Variants in PFKP observed in about 807,000 individuals in gnomAD.
PFKP encodes ATP-dependent 6-phosphofructokinase, platelet type.
A neutral mutation model predicts 94.3 loss-of-function variants in PFKP; 101 were observed. That is an observed-to-expected ratio of 1.07 (90% CI 0.91 to 1.26). The LOEUF (loss-of-function observed/expected upper bound fraction) is 1.26. Among genes scored for constraint, PFKP ranks in the 50% most tolerant of loss-of-function variants. The pLI is 0.00. For missense variants in PFKP, 1,145 were observed against 1,103.3 expected, an observed-to-expected ratio of 1.04 and a Z score of -0.53; for synonymous variants, 573 against 432.6, an observed-to-expected ratio of 1.32 and a Z score of -4.03.
At chr10:3,114,763 G>T (rs192666595) in intron 13 of PFKP, among the ~76,000 whole-genome samples, 4 of 152,250 alleles carry the variant, frequency 2.6e-5, no homozygotes, top group Non-Finnish European at 4.4e-5. Context: ...CTCCAAGCCC[G>T]CACAGGGCAG....
intron 2 of PFKP, among the ~76,000 whole-genome samples, chr10:3,097,937 A>C (rs903519807): frequency 1.3e-5 from 2 of 152,162 alleles, no homozygotes; most frequent in Admixed American, 1.3e-4. Flanking sequence ...TGAACCTGGG[A>C]GATGTAAGTT....
intron 16 of PFKP, among the ~76,000 whole-genome samples, chr10:3,122,363 C>T (rs1162762024): frequency 2.6e-5 from 4 of 152,062 alleles, no homozygotes; most frequent in Non-Finnish European, 4.4e-5. Flanking sequence ...GGAGCTGGGA[C>T]AGAGAAGAGA....
At chr10:3,126,222 G>A (rs1406119167) in intron 16 of PFKP, among the ~76,000 whole-genome samples, 3 of 152,224 alleles carry the variant, frequency 2.0e-5, no homozygotes, top group African/African-American at 4.8e-5. Flanking sequence ...CCATGAGGTC[G>A]GCTGCAGCTT....
At chr10:3,100,974 C>G (rs1387226386) in intron 3 of PFKP, 1 of 1,612,408 alleles carries the variant, frequency 6.2e-7, no homozygotes, top group South Asian at 1.1e-5. Flanking sequence ...ACACCGCTTC[C>G]CTTGTCCTGG....
In PFKP at chr10:3,129,930, GGAGCTGATGC is replaced by G. The variant is rs1478355574; in HGVS notation, c.1796_1805del (p.Gly599AlafsTer21). The G allele has an allele frequency of 1.2e-6, 2 of 1,609,084 alleles. No individual in the cohort carries two copies. Among genetic ancestry groups the G allele is most frequent in the South Asian group, 2.2e-5 (2 of 90,488 alleles). Reference sequence around the variant, plus strand: ...GGCCAACATGGGGGGGCTCGCGGCCGGAGCTGATGCCGCATACATTTTCGAAGAGCCCTTC... The same window carrying G: ...GGCCAACATGGGGGGGCTCGCGGCCGCGCATACATTTTCGAAGAGCCCTTC... On this transcript the variant is annotated frameshift_variant, in exon 17 of 22. Coordinates refer to ENST00000381125, the MANE Select transcript of PFKP (RefSeq NM_002627.5). LOFTEE classifies it high-confidence loss of function.
At chr10:3,076,588 C>T (rs1172738795) in intron 1 of PFKP, among the ~76,000 whole-genome samples, 2 of 152,042 alleles carry the variant, frequency 1.3e-5, no homozygotes, top group African/African-American at 2.4e-5. Flanking sequence ...TTAGCACTTA[C>T]GGCCATCCAT....
chr10:3,128,252 A>G (rs1838169888), intron 16 of PFKP, among the ~76,000 whole-genome samples: 1 of 152,224 alleles, frequency 6.6e-6, no homozygotes, highest in African/African-American at 2.4e-5. Flanking sequence ...TTTGCAGCCT[A>G]GTGAGGAAGA....
intron 5 of PFKP, 134 bp downstream of exon 5, chr10:3,104,078 C>A: frequency 2.8e-6 from 2 of 703,908 alleles, no homozygotes; most frequent in South Asian, 2.0e-5. Context: ...CTTTTAGGAG[C>A]TATTGCCAGA....
At chr10:3,087,780 C>T (rs191683472) in intron 2 of PFKP, among the ~76,000 whole-genome samples, 25 of 152,204 alleles carry the variant, frequency 1.6e-4, no homozygotes, top group East Asian at 9.7e-4. Context: ...TCCTAGTGAA[C>T]GGGTCCATTT....
At chr10:3,126,262 C>T (rs986722300) in intron 16 of PFKP, among the ~76,000 whole-genome samples, 20 of 152,206 alleles carry the variant, frequency 1.3e-4, no homozygotes, top group Admixed American at 1.2e-3. Context: ...GCCTCCCACT[C>T]GAGCTGAGGG....
chr10:3,075,656 C>G (rs1323618471), intron 1 of PFKP, among the ~76,000 whole-genome samples: 1 of 148,794 alleles, frequency 6.7e-6, no homozygotes, highest in Non-Finnish European at 1.5e-5. Context: ...TAATCCCAGC[C>G]CTTCAGGAGC....
At chr10:3,090,992 G>A (rs904738362) in intron 2 of PFKP, among the ~76,000 whole-genome samples, 2 of 152,086 alleles carry the variant, frequency 1.3e-5, no homozygotes, top group South Asian at 4.1e-4. Flanking sequence ...TAGTGCATGT[G>A]TGAAGAAAGT....
Position 3,101,561 on chromosome 10 carries a change from G to C in PFKP, c.454+7G>C. On this transcript the variant is annotated splice_region_variant and intron_variant, in intron 4 of 21. Coordinates refer to ENST00000381125, the MANE Select transcript of PFKP (RefSeq NM_002627.5). ...GAGGAGCTGGCCAGGAACGGTGAGT[G>C]GACACCTGCTCCTCTGTCCTGCGGG... 1.1e-5 allele frequency: 16 copies of C among 1,519,880 alleles called. No individual in the cohort carries two copies. The highest frequency in any genetic ancestry group is 6.3e-5 in the Admixed American group (3 of 47,548). 94.1% of individuals were successfully genotyped at this position (1,519,880 alleles called of 1,614,324 possible). A position where few individuals can be genotyped will look rare whatever the true frequency, so the allele number is the denominator to read the frequency against.
intron 1 of PFKP, among the ~76,000 whole-genome samples, chr10:3,074,740 T>A (rs1832450986): frequency 6.6e-6 from 1 of 152,098 alleles, no homozygotes; most frequent in South Asian, 2.1e-4. Context: ...TAGCAGTGCT[T>A]AGAATAGCAA....
chr10:3,093,638 C>G (rs1427584246), intron 2 of PFKP, among the ~76,000 whole-genome samples: 1 of 94,062 alleles, frequency 1.1e-5, no homozygotes, highest in South Asian at 3.7e-4. Context: ...CAAGCATTAT[C>G]TTTTTTTTTT....
chr10:3,095,990 C>T (rs1301803316), intron 2 of PFKP, among the ~76,000 whole-genome samples: 1 of 152,190 alleles, frequency 6.6e-6, no homozygotes, highest in Non-Finnish European at 1.5e-5. Context: ...TGCATCTATG[C>T]AACACAAAAT....
chr10:3,092,978 G>C (rs1003936122), intron 2 of PFKP, among the ~76,000 whole-genome samples: 6 of 150,272 alleles, frequency 4.0e-5, no homozygotes, highest in African/African-American at 1.5e-4. Flanking sequence ...GATGGGGGTA[G>C]GGGGGTGGCC....
intron 19 of PFKP, among the ~76,000 whole-genome samples, chr10:3,133,874 A>C (rs746510034): frequency 8.6e-5 from 13 of 150,472 alleles, no homozygotes; most frequent in Non-Finnish European, 1.9e-4. Flanking sequence ...ATGCTTATTC[A>C]AATTAAACAC....
chr10:3,120,857 T>C (rs1837332970), intron 16 of PFKP, among the ~76,000 whole-genome samples: 1 of 152,172 alleles, frequency 6.6e-6, no homozygotes, highest in African/African-American at 2.4e-5. Flanking sequence ...CATGTTTGTG[T>C]GTCACGCTTG....
Sources: allele counts gnomAD v4.1 joint callset (sites outside exome capture counted in the v4.1 genomes callset), GRCh38; gene constraint gnomAD v4.1.1; transcripts MANE v1.5; gene names NCBI Gene and HGNC (gene_info 2026-07-23, HGNC 2026-07-21).